The following FOCAD variants were observed in gnomAD, a reference collection of about 807,000 sequenced individuals.
FOCAD encodes focadhesin, also known as KIAA1797.
A neutral mutation model predicts 225.6 loss-of-function variants in FOCAD; 198 were observed. The observed-to-expected ratio is 0.88, with a 90% CI of 0.78 to 0.99. The LOEUF is 0.99. FOCAD is among the 50% of genes least tolerant of loss of function. FOCAD has a pLI of 0.00. For synonymous variants in FOCAD, 897 were observed against 755.0 expected (o/e 1.19, Z -3.08); for missense variants, 2,713 against 2,123.6 (o/e 1.28, Z -5.46).
intron 18 of FOCAD, among the ~76,000 whole-genome samples, chr9:20,872,074 A>G (rs1004422503): frequency 2.0e-5 from 3 of 152,152 alleles, no homozygotes; most frequent in African/African-American, 7.2e-5. Context: ...TTATAAATAC[A>G]TATAGTATAT....
chr9:20,856,017 A>G (rs907829864), intron 15 of FOCAD, among the ~76,000 whole-genome samples: 3 of 151,746 alleles, frequency 2.0e-5, no homozygotes, highest in African/African-American at 7.3e-5. Flanking sequence ...TTGCTTCCAA[A>G]TCTTGGCTAT....
chr9:20,688,195 A>G (rs1009407657), intron 1 of FOCAD, among the ~76,000 whole-genome samples: 1 of 152,236 alleles, frequency 6.6e-6, no homozygotes, highest in South Asian at 2.1e-4. Flanking sequence ...GAAAGTTAAC[A>G]TCAGTTTCAT....
At chr9:20,890,218 G>A (rs918356010) in intron 21 of FOCAD, among the ~76,000 whole-genome samples, 1 of 151,748 alleles carries the variant, frequency 6.6e-6, no homozygotes, top group Non-Finnish European at 1.5e-5. Context: ...TTACAGTGTT[G>A]AATAGGACTG....
chr9:20,763,453 C>T (rs1429800609), intron 6 of FOCAD, among the ~76,000 whole-genome samples: 1 of 152,092 alleles, frequency 6.6e-6, no homozygotes, highest in African/African-American at 2.4e-5. Flanking sequence ...GGCAATGTAG[C>T]AAGACACTGT....
At position 20,923,669 on chromosome 9, in the gene FOCAD, G is replaced by C. The variant is rs59400819; in HGVS notation, c.2862G>C (p.Pro954=). 21 of 1,613,544 alleles carry C rather than the reference G, an allele frequency of 1.3e-5. No homozygotes were observed. Among genetic ancestry groups the C allele is most frequent in the Non-Finnish European group, 1.8e-5 (21 of 1,179,700 alleles). ...TTTTCCTTTTGAACAGGGAGAGTCCGGTAGTGAAAGGCAATGCGCTGTTAG... is the reference window on the plus strand; with the variant it reads ...TTTTCCTTTTGAACAGGGAGAGTCCCGTAGTGAAAGGCAATGCGCTGTTAG... The part of the protein sequence containing the change: ...EITKAAAKES[P]VVKGNALLAL... Residue 954 remains proline, a synonymous_variant, in exon 25 of 44, where the codon CCG becomes CCC. Transcript: ENST00000338382.
chr9:20,748,932 G>T (rs147243025), intron 5 of FOCAD, among the ~76,000 whole-genome samples: 1 of 152,252 alleles, frequency 6.6e-6, no homozygotes, highest in Non-Finnish European at 1.5e-5. Flanking sequence ...TTAATTGAAA[G>T]ATTGGGATTA....
At chr9:20,739,924 G>T (rs1827471778) in intron 4 of FOCAD, among the ~76,000 whole-genome samples, 1 of 152,120 alleles carries the variant, frequency 6.6e-6, no homozygotes, top group Non-Finnish European at 1.5e-5. Flanking sequence ...GTCATTCGGT[G>T]TGGGCAACCA....
intron 40 of FOCAD, among the ~76,000 whole-genome samples, chr9:20,987,513 A>C (rs1177147667): frequency 2.0e-5 from 3 of 152,144 alleles, no homozygotes; most frequent in African/African-American, 7.2e-5. Flanking sequence ...ATCTTGAAAA[A>C]AAAAAAAAAG....
At chr9:20,907,301 C>T (rs1833062361) in intron 22 of FOCAD, 59 bp downstream of exon 22, 2 of 1,374,444 alleles carry the variant, frequency 1.5e-6, no homozygotes, top group South Asian at 1.2e-5. Flanking sequence ...TCATGTTTTG[C>T]TACAAATGTG....
chr9:20,801,528 G>A (rs905270757), intron 11 of FOCAD, among the ~76,000 whole-genome samples: 9 of 152,130 alleles, frequency 5.9e-5, no homozygotes, highest in Admixed American at 2.6e-4. Context: ...TACAGTTATT[G>A]AGGCACTCAT....
At chr9:20,787,191 C>G (rs1256917186) in intron 10 of FOCAD, 1 of 167,422 alleles carries the variant, frequency 6.0e-6, no homozygotes, top group Non-Finnish European at 1.3e-5. Context: ...TTACATGTCT[C>G]TGTTATGTTG....
At chr9:20,962,413 C>CATACATACATACAT (rs1564209355) in intron 35 of FOCAD, among the ~76,000 whole-genome samples, 1 of 88,982 alleles carries the variant, frequency 1.1e-5, no homozygotes, top group Non-Finnish European at 2.6e-5. Context: ...TATATATACA[C>CATACATACATACAT]ACACACATAC....
At chr9:20,906,112 A>G (rs1327378918) in intron 21 of FOCAD, among the ~76,000 whole-genome samples, 1 of 151,936 alleles carries the variant, frequency 6.6e-6, no homozygotes, top group African/African-American at 2.4e-5. Context: ...TTTCCACAGT[A>G]CCTTGTATAT....
At position 20,819,892 on chromosome 9, in the gene FOCAD, G is replaced by GTTCA; in HGVS notation, c.1553_1556dup (p.Lys520SerfsTer42). On this transcript the variant is annotated frameshift_variant, in exon 12 of 44. Coordinates refer to ENST00000338382, the MANE Select transcript of FOCAD (RefSeq NM_001375567.1). LOFTEE classifies it high-confidence loss of function. ...ATTGTATACTTTACCTAAGCTTGGT[G>GTTCA]TTCACAAGGTTAGTATGTTAATTAA... 6.6e-7 allele frequency: 1 copy of GTTCA among 1,506,066 alleles called. No homozygotes were observed. Among genetic ancestry groups the GTTCA allele is most frequent in the Non-Finnish European group, 9.0e-7 (1 of 1,116,002 alleles). The allele number at this position is 1,506,066 out of a possible 1,614,324, so 93.3% of individuals were successfully genotyped here.
chr9:20,903,094 G>T (rs1293498205), intron 21 of FOCAD, among the ~76,000 whole-genome samples: 2 of 151,858 alleles, frequency 1.3e-5, no homozygotes, highest in Admixed American at 1.3e-4. Context: ...AAGATGAGAA[G>T]GTTCTACCAC....
chr9:20,995,536 C>T lies in FOCAD; in HGVS notation c.5333-20C>T. 1 of 1,602,926 alleles carries T rather than the reference C, an allele frequency of 6.2e-7. No homozygotes were observed. On this transcript the variant is annotated intron_variant, in intron 43 of 43. Coordinates refer to ENST00000338382, the MANE Select transcript of FOCAD (RefSeq NM_001375567.1). Reference sequence around the variant, plus strand: ...AATGACCTTTTCAAATGCAGCCATACCTATATTTTGTCCCCTTAGCCACCC... The same window carrying T: ...AATGACCTTTTCAAATGCAGCCATATCTATATTTTGTCCCCTTAGCCACCC...
chr9:20,802,304 T>C (rs1821932699), intron 11 of FOCAD, among the ~76,000 whole-genome samples: 1 of 152,148 alleles, frequency 6.6e-6, no homozygotes, highest in African/African-American at 2.4e-5. Flanking sequence ...TATATATATA[T>C]ATGACTTGAA....
chr9:20,686,943 A>G (rs1266389923), intron 1 of FOCAD, among the ~76,000 whole-genome samples: 1 of 152,050 alleles, frequency 6.6e-6, no homozygotes, highest in East Asian at 1.9e-4. Context: ...CTATTTTCAA[A>G]CAATGGATTG....
At chr9:20,975,338 T>C (rs1840137530) in intron 35 of FOCAD, among the ~76,000 whole-genome samples, 1 of 152,224 alleles carries the variant, frequency 6.6e-6, no homozygotes, top group South Asian at 2.1e-4. Context: ...AGGAATATAA[T>C]ATTAAAGTAA....
Sources: gnomAD v4.1 joint callset for allele counts (sites outside exome capture counted in the v4.1 genomes callset) on GRCh38, gnomAD v4.1.1 for gene constraint, MANE v1.5 for transcripts, NCBI Gene and HGNC (gene_info 2026-07-23, HGNC 2026-07-21) for gene names.